The following AKAP7 variants were observed in gnomAD, a reference collection of about 807,000 sequenced individuals.
The protein encoded by AKAP7 is A-kinase anchoring protein 7.
In AKAP7, 39 loss-of-function variants were observed where a neutral mutation model predicts 39.5. The ratio of observed to expected loss-of-function variants is 0.99; its 90% CI spans 0.76 to 1.29. The LOEUF (loss-of-function observed/expected upper bound fraction) is 1.29, where lower values mean the gene tolerates loss of function less well. Among genes scored for constraint, AKAP7 ranks in the 50% most tolerant of loss-of-function variants. The pLI is 0.00. For missense variants in AKAP7, 414 were observed against 407.7 expected (o/e 1.02, Z -0.13); for synonymous variants, 140 against 139.1 (o/e 1.01, Z -0.05).
At position 131,282,345 on chromosome 6, in the gene AKAP7, TAA is replaced by T; in HGVS notation, c.*620_*621del. On this transcript the variant is annotated 3_prime_UTR_variant, in exon 8 of 8. Coordinates refer to ENST00000431975, the MANE Select transcript of AKAP7 (RefSeq NM_016377.4). ...AAGTTTTTTTAAAATCCTATTTTGATAAGTCAGTATGCCATATTTAATGAAAT... is the reference window on the plus strand; with the variant it reads ...AAGTTTTTTTAAAATCCTATTTTGATGTCAGTATGCCATATTTAATGAAAT... 2 of 1,375,816 alleles carry T rather than the reference TAA, an allele frequency of 1.5e-6. No individual in the cohort carries two copies. The highest frequency in any genetic ancestry group is 1.9e-6 in the Non-Finnish European group (2 of 1,064,432). The allele number at this position is 1,375,816 out of a possible 1,614,324, so 85.2% of individuals were successfully genotyped here.
At chr6:131,194,460 A>G (rs566559435) in intron 5 of AKAP7, among the ~76,000 whole-genome samples, 1 of 152,204 alleles carries the variant, frequency 6.6e-6, no homozygotes, top group African/African-American at 2.4e-5. Flanking sequence ...CATATGGTCT[A>G]TTCTTGAGAA....
intron 5 of AKAP7, among the ~76,000 whole-genome samples, chr6:131,172,070 T>C (rs1251319536): frequency 6.6e-6 from 1 of 152,076 alleles, no homozygotes; most frequent in Non-Finnish European, 1.5e-5. Flanking sequence ...TTCGTTGACG[T>C]CACAAAGAAA....
chr6:131,223,870 C>A (rs943357077), intron 7 of AKAP7, among the ~76,000 whole-genome samples: 1 of 152,156 alleles, frequency 6.6e-6, no homozygotes, highest in South Asian at 2.1e-4. Flanking sequence ...GCCTACCACC[C>A]CCCATCACTG....
intron 5 of AKAP7, among the ~76,000 whole-genome samples, chr6:131,180,847 TTA>T (rs533617251): frequency 0.12 from 17,271 of 150,076 alleles, 1,102 homozygotes; most frequent in African/African-American, 0.13. Context: ...TTTTTTTTTT[TTA>T]ATACTTCTCT....
At chr6:131,226,349 A>G (rs1810164140) in intron 7 of AKAP7, among the ~76,000 whole-genome samples, 1 of 152,180 alleles carries the variant, frequency 6.6e-6, no homozygotes, top group African/African-American at 2.4e-5. Context: ...CTATTTTCAG[A>G]TATAAGAAAA....
At chr6:131,184,045 A>C (rs1805566234) in intron 5 of AKAP7, among the ~76,000 whole-genome samples, 1 of 152,152 alleles carries the variant, frequency 6.6e-6, no homozygotes, top group African/African-American at 2.4e-5. Flanking sequence ...CCTGGGCCCA[A>C]GGCAAGCAGA....
intron 7 of AKAP7, among the ~76,000 whole-genome samples, chr6:131,249,401 A>G (rs552939413): frequency 2.0e-5 from 3 of 152,218 alleles, no homozygotes; most frequent in Admixed American, 2.0e-4. Context: ...TCATTTTTCC[A>G]TGCTGCAGGC....
chr6:131,200,268 G>A (rs1807430200), intron 6 of AKAP7, among the ~76,000 whole-genome samples: 1 of 152,108 alleles, frequency 6.6e-6, no homozygotes. Flanking sequence ...TTCCGTCTAG[G>A]TTCATGAGCA....
chr6:131,260,891 T>G (rs1017386771), intron 7 of AKAP7, among the ~76,000 whole-genome samples: 4 of 152,164 alleles, frequency 2.6e-5, no homozygotes, highest in African/African-American at 9.7e-5. Flanking sequence ...TAATTTATAG[T>G]CACTATTAAA....
upstream of AKAP7, among the ~76,000 whole-genome samples, chr6:131,130,920 C>A (rs2128220114): frequency 6.6e-6 from 1 of 150,992 alleles, no homozygotes; most frequent in East Asian, 1.9e-4. Flanking sequence ...GTTGGCTTTG[C>A]AGGGAAAAAA....
intron 5 of AKAP7, among the ~76,000 whole-genome samples, chr6:131,180,410 CA>C (rs1437567428): frequency 6.6e-6 from 1 of 152,022 alleles, no homozygotes. Flanking sequence ...CCTAAACAAA[CA>C]AAAAACAAAG....
chr6:131,144,821 A>G (rs898951997), intron 1 of AKAP7, among the ~76,000 whole-genome samples: 3 of 152,362 alleles, frequency 2.0e-5, no homozygotes, highest in East Asian at 3.9e-4. Context: ...AGTGTTAAAT[A>G]TAATGATGGA....
chr6:131,251,229 C>T (rs555116267), intron 7 of AKAP7, among the ~76,000 whole-genome samples: 1 of 152,318 alleles, frequency 6.6e-6, no homozygotes, highest in South Asian at 2.1e-4. Flanking sequence ...GAAAAGACAA[C>T]TTAAAGTGGT....
intron 2 of AKAP7, among the ~76,000 whole-genome samples, chr6:131,152,863 T>C (rs1427430531): frequency 7.1e-6 from 1 of 140,872 alleles, no homozygotes; most frequent in Non-Finnish European, 1.5e-5. Context: ...GCGCGCTGGC[T>C]CACGCCGGTA....
intron 5 of AKAP7, among the ~76,000 whole-genome samples, chr6:131,194,654 A>ATTAT (rs1443768819): frequency 6.6e-6 from 1 of 152,046 alleles, no homozygotes; most frequent in African/African-American, 2.4e-5. Context: ...GTATGCAGCT[A>ATTAT]TTATTGTATT....
intron 5 of AKAP7, among the ~76,000 whole-genome samples, chr6:131,195,373 A>C (rs1806823158): frequency 6.6e-6 from 1 of 152,050 alleles, no homozygotes; most frequent in Non-Finnish European, 1.5e-5. Flanking sequence ...TGTTCTCTTT[A>C]TGTCTTATAG....
At chr6:131,240,356 G>C (rs1811437960) in intron 7 of AKAP7, among the ~76,000 whole-genome samples, 1 of 152,216 alleles carries the variant, frequency 6.6e-6, no homozygotes, top group East Asian at 1.9e-4. Context: ...TGGGGGTCAG[G>C]GACCCACTTG....
intron 7 of AKAP7, among the ~76,000 whole-genome samples, chr6:131,258,234 A>G (rs956027118): frequency 6.6e-6 from 1 of 152,224 alleles, no homozygotes; most frequent in African/African-American, 2.4e-5. Context: ...GAAAGGTATG[A>G]TGATGAGTAA....
intron 2 of AKAP7, among the ~76,000 whole-genome samples, chr6:131,151,953 CTCA>C (rs1801955508): frequency 6.6e-6 from 1 of 152,120 alleles, no homozygotes; most frequent in Non-Finnish European, 1.5e-5. Flanking sequence ...CTTAATTTTT[CTCA>C]TCATTCATTT....
Sources: allele counts gnomAD v4.1 joint callset (sites outside exome capture counted in the v4.1 genomes callset), GRCh38; gene constraint gnomAD v4.1.1; transcripts MANE v1.5; gene names NCBI Gene and HGNC (gene_info 2026-07-23, HGNC 2026-07-21).